EPAS1: variants seen among roughly 807,000 people sequenced by gnomAD.
EPAS1 encodes the protein endothelial PAS domain protein 1.
A neutral mutation model predicts 87.9 loss-of-function variants in EPAS1; 23 were observed. The ratio of observed to expected loss-of-function variants is 0.26; its 90% CI spans 0.19 to 0.37. EPAS1 has a LOEUF of 0.37. Among genes scored for constraint, EPAS1 ranks in the 10% least tolerant of loss-of-function variants. EPAS1 has a pLI of 1.00. For synonymous variants in EPAS1, 508 were observed against 444.3 expected (o/e 1.14, Z -1.80); for missense variants, 1,138 against 1,120.7 (o/e 1.02, Z -0.22).
Position 46,381,627 on chromosome 2 carries a change from G to C in EPAS1, c.2077G>C (p.Asp693His), listed in dbSNP as rs745903364. The stretch of plus-strand genomic sequence containing the variant: ...AAAGGGTTTTGGGGCTCGAGGCCCA[G>C]ACGTGCTGAGTCCGGCCATGGTAGC... ...SAKGFGARGP[D>H]VLSPAMVALS... The change falls in exon 13 of 16, where the codon GAC becomes CAC. Residue 693 changes from aspartate (D) to histidine (H), a missense_variant. Physicochemically the swap from Asp to His is moderately conservative, Grantham distance 81. Transcript: ENST00000263734. The C allele has an allele frequency of 6.2e-7, 1 of 1,614,020 alleles. No homozygotes were observed. Among genetic ancestry groups the C allele is most frequent in the South Asian group, 1.1e-5 (1 of 91,086 alleles).
chr2:46,353,748 A>C (rs1203338352), intron 2 of EPAS1, among the ~76,000 whole-genome samples: 1 of 152,224 alleles, frequency 6.6e-6, no homozygotes, highest in African/African-American at 2.4e-5. Flanking sequence ...AACCCCAAGC[A>C]GGGATCAGGT....
intron 1 of EPAS1, among the ~76,000 whole-genome samples, chr2:46,304,611 T>C (rs1683072353): frequency 6.6e-6 from 1 of 152,324 alleles, no homozygotes; most frequent in East Asian, 1.9e-4. Flanking sequence ...GAATTTCTTA[T>C]TTTTCATGGG....
intron 15 of EPAS1, among the ~76,000 whole-genome samples, chr2:46,383,908 C>A (rs1572651532): frequency 6.6e-6 from 1 of 152,156 alleles, no homozygotes; most frequent in East Asian, 1.9e-4. Context: ...GGGTGGGCAT[C>A]TCCCATCGGA....
chr2:46,380,090 C>T lies in EPAS1; in HGVS notation c.1555-137C>T, dbSNP rs747743552. 57 of 1,424,922 alleles carry T rather than the reference C, an allele frequency of 4.0e-5. No homozygotes were observed. The highest frequency in any genetic ancestry group is 8.4e-5 in the African/African-American group (6 of 71,234). 88.3% of individuals were successfully genotyped at this position (1,424,922 alleles called of 1,614,324 possible). A position where few individuals can be genotyped will look rare whatever the true frequency, so the allele number is the denominator to read the frequency against. On this transcript the variant is annotated intron_variant, in intron 11 of 15. Coordinates refer to ENST00000263734, the MANE Select transcript of EPAS1 (RefSeq NM_001430.5). The surrounding 1 kb of genome is among the most constrained non-coding windows in gnomAD (Gnocchi z 4.4). ...GTCTGAGGTTTTCCTGATAGGCCCT[C>T]GGGAGCCAGTGGAGGCGTTTGAGCA... is the stretch of plus-strand genomic sequence containing the variant.
At chr2:46,366,220 G>A (rs116734138) in intron 6 of EPAS1, among the ~76,000 whole-genome samples, 1,951 of 152,372 alleles carry the variant, frequency 0.013, 41 homozygotes, top group African/African-American at 0.045. Context: ...GCCACTTGAG[G>A]TGGCAGCACT....
At chr2:46,338,937 G>T (rs1683852680) in intron 1 of EPAS1, among the ~76,000 whole-genome samples, 1 of 151,212 alleles carries the variant, frequency 6.6e-6, no homozygotes, top group South Asian at 2.1e-4. Context: ...TGGGGGTGGG[G>T]TCACTGTGAG....
intron 1 of EPAS1, among the ~76,000 whole-genome samples, chr2:46,340,892 T>C (rs917586886): frequency 1.3e-5 from 2 of 152,108 alleles, no homozygotes; most frequent in Middle Eastern, 3.2e-3. Context: ...CCAGCTAATT[T>C]CTAACTTTTT....
In EPAS1 at chr2:46,346,370, A is replaced by G. The variant is rs1684024307; in HGVS notation, c.27-503A>G. Among the ~76,000 whole-genome samples the G allele has an allele frequency of 6.6e-6, 1 of 152,196 alleles. No individual in the cohort carries two copies. Among genetic ancestry groups the G allele is most frequent in the African/African-American group, 2.4e-5 (1 of 41,436 alleles). On this transcript the variant is annotated intron_variant, in intron 1 of 15. Transcript: ENST00000263734. This position sits in a 1 kb window ranked among gnomAD's most constrained non-coding sequence, Gnocchi z 4.0. ...CTGTGGAAATCACTTTCTGGTATGA[A>G]GCGGGATCTAGGGTTCAGTACTACT...
At chr2:46,373,324 C>T (rs1684667208) in intron 7 of EPAS1, among the ~76,000 whole-genome samples, 1 of 152,082 alleles carries the variant, frequency 6.6e-6, no homozygotes, top group African/African-American at 2.4e-5. Flanking sequence ...AAGATTTATA[C>T]ACAAATGTTT....
intron 1 of EPAS1, among the ~76,000 whole-genome samples, chr2:46,308,205 C>T (rs1683145789): frequency 6.6e-6 from 1 of 152,172 alleles, no homozygotes; most frequent in South Asian, 2.1e-4. Context: ...ATTCAAATAG[C>T]TCCTACTTTT....
intron 1 of EPAS1, among the ~76,000 whole-genome samples, chr2:46,315,005 C>T (rs976621810): frequency 6.6e-6 from 1 of 152,214 alleles, no homozygotes; most frequent in East Asian, 1.9e-4. Context: ...ACGGAGAGCA[C>T]CCTCAACTAG....
At chr2:46,355,967 G>GTGTC in intron 2 of EPAS1, 184 bp from the exon 3 acceptor site, 2 of 681,316 alleles carry the variant, frequency 2.9e-6, no homozygotes, top group Non-Finnish European at 2.6e-6. Context: ...TCCCGTCAGG[G>GTGTC]TGTCCTCTGT....
intron 2 of EPAS1, among the ~76,000 whole-genome samples, chr2:46,349,992 C>CA (rs1684116920): frequency 1.3e-5 from 2 of 152,120 alleles, no homozygotes; most frequent in African/African-American, 4.8e-5. Context: ...GCTTACCCTG[C>CA]AATGTTATTT....
rs183144182 is a variant in EPAS1 at position 46,342,945 on chromosome 2, G to C, written c.27-3928G>C. On this transcript the variant is annotated intron_variant, in intron 1 of 15. Transcript: ENST00000263734. Reference sequence around the variant, plus strand: ...GTTTCAGAATGTGAGTTTCCACCTCGGGGAGAGTAACTATAAATTTGTGCA... The same window carrying C: ...GTTTCAGAATGTGAGTTTCCACCTCCGGGAGAGTAACTATAAATTTGTGCA... Among the ~76,000 whole-genome samples the C allele has an allele frequency of 2.2e-3, 330 of 152,212 alleles. 1 individual carries two copies. Among genetic ancestry groups the C allele is most frequent in the African/African-American group, 7.5e-3 (313 of 41,502 alleles).
At chr2:46,327,726 G>A (rs1037862533) in intron 1 of EPAS1, among the ~76,000 whole-genome samples, 3 of 152,208 alleles carry the variant, frequency 2.0e-5, no homozygotes, top group African/African-American at 7.2e-5. Flanking sequence ...CTGGCACAGA[G>A]TAGGCACACA....
intron 4 of EPAS1, among the ~76,000 whole-genome samples, chr2:46,358,851 T>C (rs920197753): frequency 6.6e-6 from 1 of 152,086 alleles, no homozygotes; most frequent in African/African-American, 2.4e-5. Context: ...ATGAGGCAGA[T>C]TGTGGAAGGC....
chr2:46,327,748 CT>C (rs2104855137), intron 1 of EPAS1, among the ~76,000 whole-genome samples: 1 of 152,298 alleles, frequency 6.6e-6, no homozygotes, highest in South Asian at 2.1e-4. Context: ...AAAAATTCAT[CT>C]GTTGAGTGAC....
chr2:46,357,877 G>A (rs990280245), intron 4 of EPAS1, among the ~76,000 whole-genome samples: 3 of 152,206 alleles, frequency 2.0e-5, no homozygotes, highest in Non-Finnish European at 4.4e-5. Context: ...TTGTAACTGT[G>A]GCCATTCAAC....
At chr2:46,339,917 T>G (rs781226551) in intron 1 of EPAS1, among the ~76,000 whole-genome samples, 6 of 152,216 alleles carry the variant, frequency 3.9e-5, no homozygotes, top group Non-Finnish European at 8.8e-5. Flanking sequence ...TTCACTGTCA[T>G]GAGTTAATCA....
Sources: gnomAD v4.1 joint callset for allele counts (sites outside exome capture counted in the v4.1 genomes callset) on GRCh38, gnomAD v4.1.1 for gene constraint, Gnocchi (gnomAD v3.1) non-coding constraint, MANE v1.5 for transcripts, NCBI Gene and HGNC (gene_info 2026-07-23, HGNC 2026-07-21) for gene names.